Variants in NAB1 observed in about 807,000 individuals in gnomAD.
NAB1 encodes the protein NGFI-A-binding protein 1.
Under a neutral mutation model 49.9 loss-of-function variants are expected in NAB1, and 25 were observed. The ratio of observed to expected loss-of-function variants is 0.50; its 90% confidence interval spans 0.37 to 0.70. The LOEUF is 0.70. NAB1 is among the 30% of genes least tolerant of loss of function. The pLI is 0.00. For missense variants in NAB1, 489 were observed against 575.9 expected, an observed-to-expected ratio of 0.85 and a Z score of 1.54; for synonymous variants, 198 against 215.6, an observed-to-expected ratio of 0.92 and a Z score of 0.71.
At chr2:190,683,960 C>T (rs1695483609) in intron 7 of NAB1, 133 bp downstream of exon 7, 4 of 695,538 alleles carry the variant, frequency 5.8e-6, no homozygotes, top group Non-Finnish European at 9.7e-6. Context: ...AAAACGTCAT[C>T]TGAGCCACAG....
chr2:190,683,091 T>C (rs1695428450), intron 6 of NAB1, among the ~76,000 whole-genome samples: 1 of 152,066 alleles, frequency 6.6e-6, no homozygotes, highest in African/African-American at 2.4e-5. Flanking sequence ...ATGTTTTTTA[T>C]GTGTTTTGTT....
chr2:190,661,943 AAGGTACTATT>A (rs2125639323), intron 4 of NAB1, among the ~76,000 whole-genome samples: 1 of 152,368 alleles, frequency 6.6e-6, no homozygotes, highest in Admixed American at 6.5e-5. Flanking sequence ...GAATTGAAAG[AAGGTACTATT>A]AGGTATATCT....
At position 190,649,369 on chromosome 2, in the gene NAB1, C is replaced by T. The variant is rs1358010616; in HGVS notation, c.-334+9C>T. The T allele has an allele frequency of 6.6e-6, 1 of 152,176 alleles. No homozygotes were observed. The highest frequency in any genetic ancestry group is 1.5e-5 in the Non-Finnish European group (1 of 68,080). The allele number at this position is 152,176 out of a possible 1,614,324, so 9.4% of individuals were successfully genotyped here. On this transcript the variant is annotated intron_variant, in intron 1 of 9. Coordinates refer to ENST00000337386, the MANE Select transcript of NAB1 (RefSeq NM_005966.4). This position sits in a 1 kb window ranked among gnomAD's most constrained non-coding sequence, Gnocchi z 6.1. The stretch of plus-strand genomic sequence containing the variant: ...CTGCAGCCGCTGGCTGAGTACGTAC[C>T]GGAGCGGACGGTCGCCACTCCCGGT...
In NAB1 at chr2:190,676,363, A is replaced by T. The variant is rs1312876171; in HGVS notation, c.1005+3211A>T. Among the ~76,000 whole-genome samples the T allele has an allele frequency of 2.0e-5, 3 of 152,206 alleles. No individual in the cohort carries two copies. Among genetic ancestry groups the T allele is most frequent in the Non-Finnish European group, 4.4e-5 (3 of 68,042 alleles). ...CTAGAAAGAATTTAGAATTCTTTTAACATACTTTTTCTCTTATTTCATTTG... is the reference window on the plus strand; with the variant it reads ...CTAGAAAGAATTTAGAATTCTTTTATCATACTTTTTCTCTTATTTCATTTG... On this transcript the variant is annotated intron_variant, in intron 6 of 9. Coordinates refer to ENST00000337386, the MANE Select transcript of NAB1 (RefSeq NM_005966.4). This position sits in a 1 kb window ranked among gnomAD's most constrained non-coding sequence, Gnocchi z 4.6.
intron 9 of NAB1, among the ~76,000 whole-genome samples, chr2:190,688,788 T>TTTCC (rs1190910525): frequency 1.4e-5 from 2 of 148,122 alleles, no homozygotes; most frequent in African/African-American, 5.3e-5. Context: ...CTTTCCTTTC[T>TTTCC]TTCCTTCCTT....
In NAB1 at chr2:190,657,011, C is replaced by G. The variant is rs1276698545; in HGVS notation, c.-20+858C>G. 1.3e-5 allele frequency among the ~76,000 whole-genome samples: 2 copies of G among 152,082 alleles called. No individual in the cohort carries two copies. The highest frequency in any genetic ancestry group is 1.5e-5 in the Non-Finnish European group (1 of 68,020). On this transcript the variant is annotated intron_variant, in intron 3 of 9. Transcript: ENST00000337386. This position sits in a 1 kb window ranked among gnomAD's most constrained non-coding sequence, Gnocchi z 4.4. The stretch of plus-strand genomic sequence containing the variant: ...TGTGTCTTCCACAGTCTATTTTGAT[C>G]ATGTGTATGTATATACACATTACAC...
At chr2:190,687,119 G>T (rs1695644689) in intron 8 of NAB1, 82 bp from the exon 9 acceptor site, 4 of 711,378 alleles carry the variant, frequency 5.6e-6, no homozygotes, top group South Asian at 5.6e-5. Flanking sequence ...TTTTCCTAAG[G>T]AGTGTTCAGG....
Position 190,685,685 on chromosome 2 carries a change from TCAAAGAGAA to T in NAB1, c.1258+48_1258+56del. On this transcript the variant is annotated intron_variant, in intron 8 of 9. Coordinates refer to ENST00000337386, the MANE Select transcript of NAB1 (RefSeq NM_005966.4). This position sits in a 1 kb window ranked among gnomAD's most constrained non-coding sequence, Gnocchi z 4.5. Reference sequence around the variant, plus strand: ...TGCCTTTAGGGCCACTATGTGCACTTCAAAGAGAAACAGAAGACAGTGGCTGATTTTTAA... The same window carrying T: ...TGCCTTTAGGGCCACTATGTGCACTTACAGAAGACAGTGGCTGATTTTTAA... 5 of 1,367,892 alleles carry T rather than the reference TCAAAGAGAA, an allele frequency of 3.7e-6. No homozygotes were observed. The highest frequency in any genetic ancestry group is 4.8e-6 in the Non-Finnish European group (5 of 1,042,806). The allele number at this position is 1,367,892 out of a possible 1,614,324, so 84.7% of individuals were successfully genotyped here. A position where few individuals can be genotyped will look rare whatever the true frequency, so the allele number is the denominator to read the frequency against.
chr2:190,668,820 C>T (rs1694656225), intron 4 of NAB1, among the ~76,000 whole-genome samples: 1 of 152,168 alleles, frequency 6.6e-6, no homozygotes, highest in Non-Finnish European at 1.5e-5. Context: ...CCAAGACCCC[C>T]AGTTGGATGC....
rs1156646686 is a variant in NAB1, at chr2:190,677,077, T to A, written c.1005+3925T>A. 1 of 152,218 alleles carries A rather than the reference T, an allele frequency of 6.6e-6. No homozygotes were observed. The highest frequency in any genetic ancestry group is 2.4e-5 in the African/African-American group (1 of 41,456). 9.4% of individuals were successfully genotyped at this position (152,218 alleles called of 1,614,324 possible). ...GTTCCTAAATACTGTGTTTTCCTGA[T>A]CTATACATGAAGGCTTGGGTGGAAT... On this transcript the variant is annotated intron_variant, in intron 6 of 9. Transcript: ENST00000337386. This position sits in a 1 kb window ranked among gnomAD's most constrained non-coding sequence, Gnocchi z 5.6.
Position 190,657,849 on chromosome 2 carries a change from A to G in NAB1, c.-19-1309A>G, listed in dbSNP as rs1694009360. On this transcript the variant is annotated intron_variant, in intron 3 of 9. Transcript: ENST00000337386. The surrounding 1 kb of genome is among the most constrained non-coding windows in gnomAD (Gnocchi z 4.4). ...GGACGTCCCAGTTAACTATTGCTGC[A>G]TACTGTCAGAGTTGAGAGTGGGTCT... Among the ~76,000 whole-genome samples the G allele has an allele frequency of 1.3e-5, 2 of 152,226 alleles. No individual in the cohort carries two copies. Among genetic ancestry groups the G allele is most frequent in the Admixed American group, 1.3e-4 (2 of 15,286 alleles).
At chr2:190,672,191 A>G (rs1234095681) in intron 5 of NAB1, among the ~76,000 whole-genome samples, 15 of 152,010 alleles carry the variant, frequency 9.9e-5, no homozygotes, top group Admixed American at 8.5e-4. Context: ...CATGGTATTG[A>G]ATTGTGTGGA....
rs1277963096 is a variant in NAB1, at chr2:190,649,120, C to T, written c.-574C>T. The T allele has an allele frequency of 1.4e-5, 2 of 144,330 alleles. No individual in the cohort carries two copies. Among genetic ancestry groups the T allele is most frequent in the African/African-American group, 2.5e-5 (1 of 39,712 alleles). The allele number at this position is 144,330 out of a possible 1,614,324, so 8.9% of individuals were successfully genotyped here. A position where few individuals can be genotyped will look rare whatever the true frequency, so the allele number is the denominator to read the frequency against. On this transcript the variant is annotated 5_prime_UTR_variant, in exon 1 of 10. Coordinates refer to ENST00000337386, the MANE Select transcript of NAB1 (RefSeq NM_005966.4). The surrounding 1 kb of genome is among the most constrained non-coding windows in gnomAD (Gnocchi z 6.1). ...CGCGCGCCGCAGCCTGGAGGAGCCG[C>T]CGCCGCCGCCGCGGCCAAGCGAGCG... is the stretch of plus-strand genomic sequence containing the variant.
At chr2:190,660,705 C>G (rs578093716) in intron 4 of NAB1, among the ~76,000 whole-genome samples, 1 of 152,220 alleles carries the variant, frequency 6.6e-6, no homozygotes, top group South Asian at 2.1e-4. Context: ...TAATCTTTTC[C>G]TTCAAGTAGA....
rs767746078 is a variant in NAB1 at position 190,684,740 on chromosome 2, T to C, written c.1096-736T>C. On this transcript the variant is annotated intron_variant, in intron 7 of 9. Coordinates refer to ENST00000337386, the MANE Select transcript of NAB1 (RefSeq NM_005966.4). This position sits in a 1 kb window ranked among gnomAD's most constrained non-coding sequence, Gnocchi z 4.6. ...TCTGTGCATTTTGACTATTATCTCC[T>C]TGGCAAAATACCACAAATACACTGC... Among the ~76,000 whole-genome samples, 4 of 152,206 alleles carry C rather than the reference T, an allele frequency of 2.6e-5. No individual in the cohort carries two copies. Among genetic ancestry groups the C allele is most frequent in the Non-Finnish European group, 5.9e-5 (4 of 68,026 alleles).
chr2:190,649,146 C>G lies in NAB1; in HGVS notation c.-548C>G, dbSNP rs1693506121. On this transcript the variant is annotated 5_prime_UTR_variant, in exon 1 of 10. Coordinates refer to ENST00000337386, the MANE Select transcript of NAB1 (RefSeq NM_005966.4). The surrounding 1 kb of genome is among the most constrained non-coding windows in gnomAD (Gnocchi z 6.1). ...CGCCGCCGCCGCGGCCAAGCGAGCG[C>G]CGTCGGGGCGGGTGGGCGGGAAGAA... 1 of 106,726 alleles carries G rather than the reference C, an allele frequency of 9.4e-6. No individual in the cohort carries two copies. Among genetic ancestry groups the G allele is most frequent in the Non-Finnish European group, 1.9e-5 (1 of 53,838 alleles). 6.6% of individuals were successfully genotyped at this position (106,726 alleles called of 1,614,324 possible). A position where few individuals can be genotyped will look rare whatever the true frequency, so the allele number is the denominator to read the frequency against.
chr2:190,662,816 G>C (rs956830643), intron 4 of NAB1, among the ~76,000 whole-genome samples: 6 of 152,176 alleles, frequency 3.9e-5, no homozygotes, highest in African/African-American at 1.4e-4. Flanking sequence ...AGATAGGAAG[G>C]AGAAGAGGAG....
intron 9 of NAB1, among the ~76,000 whole-genome samples, chr2:190,688,159 T>G (rs1473529135): frequency 2.0e-5 from 3 of 152,216 alleles, no homozygotes; most frequent in African/African-American, 4.8e-5. Context: ...TTAATCAACG[T>G]CACTGATTTT....
Position 190,682,489 on chromosome 2 carries a change from G to T in NAB1, c.1006-1249G>T, listed in dbSNP as rs1274525575. Among the ~76,000 whole-genome samples, 1 of 152,218 alleles carries T rather than the reference G, an allele frequency of 6.6e-6. No homozygotes were observed. The highest frequency in any genetic ancestry group is 1.5e-5 in the Non-Finnish European group (1 of 68,050). On this transcript the variant is annotated intron_variant, in intron 6 of 9. Coordinates refer to ENST00000337386, the MANE Select transcript of NAB1 (RefSeq NM_005966.4). This position sits in a 1 kb window ranked among gnomAD's most constrained non-coding sequence, Gnocchi z 4.1. ...ATGAAGGAATCCTTGAGCAATTCAGGTTGGGATTATCGGTTAGCACTTTAA... is the reference window on the plus strand; with the variant it reads ...ATGAAGGAATCCTTGAGCAATTCAGTTTGGGATTATCGGTTAGCACTTTAA...
Sources: gnomAD v4.1 joint callset for allele counts (sites outside exome capture counted in the v4.1 genomes callset) on GRCh38, gnomAD v4.1.1 for gene constraint, Gnocchi (gnomAD v3.1) non-coding constraint, MANE v1.5 for transcripts, NCBI Gene and HGNC (gene_info 2026-07-23, HGNC 2026-07-21) for gene names.